SLC2A12: variants seen among roughly 807,000 people sequenced by gnomAD.
The protein encoded by SLC2A12 is solute carrier family 2 member 12.
SLC2A12 carries 23 observed loss-of-function variants against 41.8 expected under a neutral mutation model. The ratio of observed to expected loss-of-function variants is 0.55; its 90% CI spans 0.40 to 0.78. SLC2A12 has a LOEUF of 0.78. Ranked by LOEUF, SLC2A12 falls within the 30% of genes least tolerant of loss-of-function variation. SLC2A12 has a pLI of 0.00. For missense variants in SLC2A12, 654 were observed against 745.6 expected (o/e 0.88, Z 1.43); for synonymous variants, 295 against 285.9 (o/e 1.03, Z -0.32).
rs75336307 is a variant in SLC2A12, at chr6:134,015,974, T to C, written c.1445-9040A>G. Reference sequence around the variant, plus strand: ...AACCAAACAGAGCAAAAAGCTAGGCTCTATGGTCTTTGAGTTTTTCAAAAT... The same window carrying C: ...AACCAAACAGAGCAAAAAGCTAGGCCCTATGGTCTTTGAGTTTTTCAAAAT... On this transcript the variant is annotated intron_variant, in intron 2 of 4. Transcript: ENST00000275230. Among the ~76,000 whole-genome samples the C allele has an allele frequency of 6.7e-3, 1,020 of 152,322 alleles. 10 individuals are homozygous for C. Among genetic ancestry groups the C allele is most frequent in the African/African-American group, 0.023 (970 of 41,570 alleles).
chr6:134,034,140 A>G (rs1328826047), intron 1 of SLC2A12, among the ~76,000 whole-genome samples: 1 of 152,186 alleles, frequency 6.6e-6, no homozygotes, highest in Non-Finnish European at 1.5e-5. Flanking sequence ...ATGATAACAT[A>G]TATCTCTTTC....
At chr6:134,010,328 C>T (rs2114439012) in intron 2 of SLC2A12, among the ~76,000 whole-genome samples, 1 of 152,280 alleles carries the variant, frequency 6.6e-6, no homozygotes, top group African/African-American at 2.4e-5. Flanking sequence ...TGGGAATCTT[C>T]TTTATTCCCT....
intron 4 of SLC2A12, among the ~76,000 whole-genome samples, chr6:133,999,823 T>C (rs2114423301): frequency 6.6e-6 from 1 of 152,284 alleles, no homozygotes. Flanking sequence ...TATGCAGCAA[T>C]GGATAATTGA....
chr6:134,043,181 C>T (rs900357601), intron 1 of SLC2A12, among the ~76,000 whole-genome samples: 1 of 152,174 alleles, frequency 6.6e-6, no homozygotes, highest in East Asian at 1.9e-4. Flanking sequence ...GGGCTGCTGT[C>T]ATCTAAGAAT....
At chr6:134,000,606 T>C (rs1169414160) in intron 4 of SLC2A12, among the ~76,000 whole-genome samples, 2 of 152,230 alleles carry the variant, frequency 1.3e-5, no homozygotes, top group East Asian at 1.9e-4. Flanking sequence ...CATTTCTAAA[T>C]GGAACGACGT....
chr6:134,023,002 G>A (rs559727797), intron 2 of SLC2A12, among the ~76,000 whole-genome samples: 7 of 152,044 alleles, frequency 4.6e-5, no homozygotes, highest in Non-Finnish European at 1.0e-4. Flanking sequence ...TGTTACCTTT[G>A]GTCTTTGTAA....
At chr6:134,051,009 C>T (rs1221318784) in intron 1 of SLC2A12, among the ~76,000 whole-genome samples, 2 of 152,068 alleles carry the variant, frequency 1.3e-5, no homozygotes, top group East Asian at 3.9e-4. Context: ...CTCACTGTAA[C>T]CTCCAAGTGA....
chr6:133,990,979 G>A lies in SLC2A12; in HGVS notation c.*176C>T. 1 of 663,026 alleles carries A rather than the reference G, an allele frequency of 1.5e-6. No homozygotes were observed. Among genetic ancestry groups the A allele is most frequent in the Non-Finnish European group, 2.4e-6 (1 of 409,604 alleles). The allele number at this position is 663,026 out of a possible 1,614,324, so 41.1% of individuals were successfully genotyped here. A position where few individuals can be genotyped will look rare whatever the true frequency, so the allele number is the denominator to read the frequency against. Reference sequence around the variant, plus strand: ...GGACCTTGTACCTCATCTACCTTTTGAGGTTCCTTCTGGGGAGGAGGGGGA... The same window carrying A: ...GGACCTTGTACCTCATCTACCTTTTAAGGTTCCTTCTGGGGAGGAGGGGGA... On this transcript the variant is annotated 3_prime_UTR_variant, in exon 5 of 5. Coordinates refer to ENST00000275230, the MANE Select transcript of SLC2A12 (RefSeq NM_145176.3).
rs1776820754 is a variant in SLC2A12 at position 134,006,728 on chromosome 6, A to G, written c.1567+84T>C. On this transcript the variant is annotated intron_variant, in intron 3 of 4. Coordinates refer to ENST00000275230, the MANE Select transcript of SLC2A12 (RefSeq NM_145176.3). ...TAAGTGTGTTTGAAAATTTCCACGAAAAAATGGTCTTTAGGTGGGTGTGAT... is the reference window on the plus strand; with the variant it reads ...TAAGTGTGTTTGAAAATTTCCACGAGAAAATGGTCTTTAGGTGGGTGTGAT... 2.6e-6 allele frequency: 4 copies of G among 1,541,362 alleles called. No individual in the cohort carries two copies. In the South Asian group the frequency reaches 3.7e-5, roughly 14 times the overall value.
Position 134,028,904 on chromosome 6 carries a change from T to A in SLC2A12, c.921A>T (p.Ser307=), listed in dbSNP as rs761489993. Reference sequence around the variant, plus strand: ...CTGCCTCATTGCTTTGAAATCCAACTGACTTCAAAACAGTTGATGCATAGA... The same window carrying A: ...CTGCCTCATTGCTTTGAAATCCAACAGACTTCAAAACAGTTGATGCATAGA... ...ILFYASTVLK[S]VGFQSNEAAS... Residue 307 remains serine (S), a synonymous_variant, in exon 2 of 5, where the codon TCA becomes TCT. Transcript: ENST00000275230. 1.7e-5 allele frequency: 28 copies of A among 1,614,126 alleles called. No homozygotes were observed. Among genetic ancestry groups the A allele is most frequent in the Non-Finnish European group, 2.4e-5 (28 of 1,180,052 alleles).
At position 134,009,950 on chromosome 6, in the gene SLC2A12, G is replaced by A. The variant is rs568631571; in HGVS notation, c.1445-3016C>T. Among the ~76,000 whole-genome samples the A allele has an allele frequency of 2.0e-5, 3 of 152,334 alleles. No individual in the cohort carries two copies. The East Asian group carries it at 5.8e-4, about 29-fold the overall frequency. On this transcript the variant is annotated intron_variant, in intron 2 of 4. Coordinates refer to ENST00000275230, the MANE Select transcript of SLC2A12 (RefSeq NM_145176.3). ...AAATACAAATCTGAAAGTATCATGT[G>A]CAGCAAGATAGACTCACTGAAAGGG...
chr6:134,011,071 C>T (rs747130942), intron 2 of SLC2A12, among the ~76,000 whole-genome samples: 1 of 151,522 alleles, frequency 6.6e-6, no homozygotes, highest in Non-Finnish European at 1.5e-5. Context: ...CCAGAGAACT[C>T]CTAACAATTT....
At chr6:133,994,464 AC>A (rs1244399268) in intron 4 of SLC2A12, among the ~76,000 whole-genome samples, 4 of 152,220 alleles carry the variant, frequency 2.6e-5, no homozygotes, top group Non-Finnish European at 1.5e-5. Context: ...GCGGTGGCTC[AC>A]GCCTGTAATC....
At chr6:134,023,826 T>G (rs1054475747) in intron 2 of SLC2A12, among the ~76,000 whole-genome samples, 2 of 152,200 alleles carry the variant, frequency 1.3e-5, no homozygotes, top group African/African-American at 4.8e-5. Flanking sequence ...TTGAAATTTT[T>G]TCCCCCACAG....
intron 1 of SLC2A12, among the ~76,000 whole-genome samples, chr6:134,040,067 TTTTTG>T (rs1777361822): frequency 1.3e-5 from 2 of 149,990 alleles, no homozygotes; most frequent in African/African-American, 4.9e-5. Context: ...TGTTTTTTTT[TTTTTG>T]TTTTTTGTTT....
intron 2 of SLC2A12, among the ~76,000 whole-genome samples, chr6:134,014,393 C>T (rs556956494): frequency 3.9e-5 from 6 of 151,912 alleles, no homozygotes; most frequent in Non-Finnish European, 8.8e-5. Context: ...AGTTGGGAAC[C>T]CCTACCCCGG....
intron 2 of SLC2A12, among the ~76,000 whole-genome samples, chr6:134,016,146 G>A (rs1346216173): frequency 6.6e-6 from 1 of 152,052 alleles, no homozygotes; most frequent in African/African-American, 2.4e-5. Context: ...TCTTTCCAAG[G>A]CTGTTTGTAT....
At chr6:134,029,917 G>A (rs1777178709) in intron 1 of SLC2A12, among the ~76,000 whole-genome samples, 196 bp from the exon 2 acceptor site, 1 of 151,962 alleles carries the variant, frequency 6.6e-6, no homozygotes, top group South Asian at 2.1e-4. Flanking sequence ...TTCTTTTTTG[G>A]GAGGATAGGC....
At position 134,029,449 on chromosome 6, in the gene SLC2A12, G is replaced by A; in HGVS notation, c.376C>T (p.Leu126Phe). ...LLGLGSLVLI[L>F]SLSYTVLIVG... is the part of the protein sequence containing the mutation. Reference sequence around the variant, plus strand: ...ATAAGAACCGTGTAGGATAAACTGAGGATCAAGACTAAGCTTCCGAGTCCA... The same window carrying A: ...ATAAGAACCGTGTAGGATAAACTGAAGATCAAGACTAAGCTTCCGAGTCCA... Residue 126 changes from leucine (L) to phenylalanine (F), a missense_variant, in exon 2 of 5, where the codon CTC becomes TTC. This residue lies in a region of SLC2A12 where 109 missense variants were observed against 153.0 expected (regional missense o/e 0.71). Transcript: ENST00000275230. 6.2e-7 allele frequency: 1 copy of A among 1,614,108 alleles called. No homozygotes were observed. Among genetic ancestry groups the A allele is most frequent in the Non-Finnish European group, 8.5e-7 (1 of 1,180,022 alleles).
Sources: allele counts gnomAD v4.1 joint callset (sites outside exome capture counted in the v4.1 genomes callset), GRCh38; gene constraint gnomAD v4.1.1; regional missense constraint gnomAD v4.1.1; transcripts MANE v1.5; gene names NCBI Gene and HGNC (gene_info 2026-07-23, HGNC 2026-07-21).